The following STK10 variants were observed in gnomAD, a reference collection of about 807,000 sequenced individuals.
STK10 encodes the protein serine/threonine kinase 10.
STK10 carries 78 observed loss-of-function variants against 113.8 expected under a neutral mutation model. That is an observed-to-expected ratio of 0.69 (90% confidence interval 0.57 to 0.83). The LOEUF is 0.83. Among genes scored for constraint, STK10 ranks in the 40% least tolerant of loss-of-function variants. STK10 has a pLI of 0.00. For synonymous variants in STK10, 465 were observed against 494.7 expected (o/e 0.94, Z 0.80); for missense variants, 1,109 against 1,280.1 (o/e 0.87, Z 2.04).
intron 1 of STK10, among the ~76,000 whole-genome samples, chr5:172,168,892 T>A (rs574407592): frequency 1.6e-3 from 248 of 152,022 alleles, no homozygotes; most frequent in African/African-American, 4.8e-3. Context: ...CCAGAAACAC[T>A]CAGGGTGAAC....
intron 1 of STK10, among the ~76,000 whole-genome samples, chr5:172,179,509 T>TA (rs1159319262): frequency 6.6e-6 from 1 of 152,176 alleles, no homozygotes; most frequent in Non-Finnish European, 1.5e-5. Flanking sequence ...TCCATCTGTT[T>TA]GTTTCGATCC....
chr5:172,118,101 T>C (rs188250853), intron 3 of STK10, among the ~76,000 whole-genome samples: 57 of 151,666 alleles, frequency 3.8e-4, no homozygotes, highest in African/African-American at 1.4e-3. Flanking sequence ...CACTGACCCA[T>C]TTTGTCTTCA....
chr5:172,156,402 C>T (rs1770348649), intron 2 of STK10, among the ~76,000 whole-genome samples: 1 of 152,212 alleles, frequency 6.6e-6, no homozygotes, highest in South Asian at 2.1e-4. Flanking sequence ...GAGGCCAGGC[C>T]ATAGCGCTTT....
rs1385436834 is a variant in STK10, at chr5:172,093,987, A to C, written c.1006-27T>G. The C allele has an allele frequency of 1.7e-5, 22 of 1,322,442 alleles. No individual in the cohort carries two copies. The highest frequency in any genetic ancestry group is 2.1e-5 in the Non-Finnish European group (21 of 1,016,982). 81.9% of individuals were successfully genotyped at this position (1,322,442 alleles called of 1,614,324 possible). A position where few individuals can be genotyped will look rare whatever the true frequency, so the allele number is the denominator to read the frequency against. On this transcript the variant is annotated intron_variant, in intron 8 of 18. Transcript: ENST00000176763. This position sits in a 1 kb window ranked among gnomAD's most constrained non-coding sequence, Gnocchi z 4.1. ...TAGAAAAATATATATATATATATTA[A>C]AGGCCATGCTGCTGTATGTTCAAGG... is the stretch of plus-strand genomic sequence containing the variant.
chr5:172,156,303 C>T (rs151108753), intron 2 of STK10, among the ~76,000 whole-genome samples: 1 of 152,334 alleles, frequency 6.6e-6, no homozygotes, highest in African/African-American at 2.4e-5. Flanking sequence ...CTATTATTAG[C>T]CCCACCTTAC....
chr5:172,057,308 C>T, intron 15 of STK10, 41 bp downstream of exon 15: 1 of 1,567,426 alleles, frequency 6.4e-7, no homozygotes, highest in Non-Finnish European at 8.6e-7. Context: ...CCCAGGTCGG[C>T]CCGGCAGCAG....
chr5:172,077,357 C>CA, intron 12 of STK10, among the ~76,000 whole-genome samples: 1 of 152,184 alleles, frequency 6.6e-6, no homozygotes, highest in Non-Finnish European at 1.5e-5. Flanking sequence ...GGCAGGAAAA[C>CA]AGAGTTCTGG....
intron 7 of STK10, among the ~76,000 whole-genome samples, chr5:172,102,372 T>G (rs916174994): frequency 2.0e-5 from 3 of 152,058 alleles, no homozygotes; most frequent in African/African-American, 7.2e-5. Context: ...GGAAAGCCAG[T>G]GGTGGAGCAC....
chr5:172,057,388 G>A lies in STK10; in HGVS notation c.2298C>T (p.Tyr766=). 1.9e-6 allele frequency: 3 copies of A among 1,562,056 alleles called. No individual in the cohort carries two copies. The highest frequency in any genetic ancestry group is 1.4e-5 in the African/African-American group (1 of 73,676). Residue 766 remains tyrosine, a synonymous_variant, in exon 15 of 19, where the codon TAC becomes TAT. Coordinates refer to ENST00000176763, the MANE Select transcript of STK10 (RefSeq NM_005990.4). ...QLVKQQLKDQ[Y]FLQRHELLRK... is the part of the protein sequence containing the mutation. ...GCAGCAGCTCGTGCCGCTGGAGGAA[G>A]TACTGGTCTTTGAGCTGCTGCTTCA...
intron 16 of STK10, 40 bp from the exon 17 acceptor site, chr5:172,054,734 C>T (rs752219163): frequency 1.9e-6 from 3 of 1,603,096 alleles, no homozygotes; most frequent in South Asian, 2.2e-5. Flanking sequence ...GGGACCAGGG[C>T]CTGGCTGGTT....
At chr5:172,181,537 C>G (rs903590543) in intron 1 of STK10, among the ~76,000 whole-genome samples, 7 of 149,946 alleles carry the variant, frequency 4.7e-5, no homozygotes, top group African/African-American at 1.7e-4. Flanking sequence ...GGCTGGAGAA[C>G]AGTGATACAA....
chr5:172,146,388 A>G (rs1242132531), intron 2 of STK10, among the ~76,000 whole-genome samples: 2 of 152,232 alleles, frequency 1.3e-5, no homozygotes, highest in East Asian at 3.8e-4. Context: ...TGCAACTGCT[A>G]AAGGTTCCAC....
rs1467603666 is a variant in STK10 at position 172,109,576 on chromosome 5, G to A, written c.521-1724C>T. ...CCTGCCTTGGCCTCCGAAAGTGCTA[G>A]GATTACAGGCGTGAGGCACCAGGAC... On this transcript the variant is annotated intron_variant, in intron 4 of 18. Transcript: ENST00000176763. Among the ~76,000 whole-genome samples, 3 of 152,044 alleles carry A rather than the reference G, an allele frequency of 2.0e-5. No individual in the cohort carries two copies. The East Asian group carries it at 5.8e-4, about 29-fold the overall frequency.
chr5:172,170,122 C>CTTTTTTTTTT (rs11347358), intron 1 of STK10, among the ~76,000 whole-genome samples: 1 of 119,436 alleles, frequency 8.4e-6, no homozygotes, highest in Non-Finnish European at 1.7e-5. Flanking sequence ...AGTATGTATC[C>CTTTTTTTTTT]TTTTTTTTTT....
At chr5:172,144,404 GA>G (rs780904823) in intron 2 of STK10, among the ~76,000 whole-genome samples, 9 of 152,320 alleles carry the variant, frequency 5.9e-5, no homozygotes, top group Non-Finnish European at 1.3e-4. Context: ...ATACAGCACA[GA>G]AGACAAAAGT....
intron 3 of STK10, among the ~76,000 whole-genome samples, chr5:172,119,033 G>C (rs1461118655): frequency 6.6e-6 from 1 of 152,140 alleles, no homozygotes; most frequent in Non-Finnish European, 1.5e-5. Flanking sequence ...GGATGCGGAA[G>C]GGCCAGAGAG....
At chr5:172,185,393 T>C (rs1581195660) in intron 1 of STK10, among the ~76,000 whole-genome samples, 2 of 152,228 alleles carry the variant, frequency 1.3e-5, no homozygotes, top group South Asian at 4.1e-4. Context: ...CTCAGCCTCC[T>C]GAGACGCTGG....
chr5:172,053,553 T>G (rs944826292), intron 17 of STK10, among the ~76,000 whole-genome samples: 2 of 152,260 alleles, frequency 1.3e-5, no homozygotes, highest in African/African-American at 4.8e-5. Flanking sequence ...CTAACCTCGC[T>G]GTTCTTTCTC....
At chr5:172,177,338 A>G (rs1770777392) in intron 1 of STK10, among the ~76,000 whole-genome samples, 2 of 152,200 alleles carry the variant, frequency 1.3e-5, no homozygotes, top group Admixed American at 6.5e-5. Context: ...ACTATGTGAA[A>G]TAAAATGTTT....
Sources: allele counts gnomAD v4.1 joint callset (sites outside exome capture counted in the v4.1 genomes callset), GRCh38; gene constraint gnomAD v4.1.1; non-coding constraint Gnocchi (gnomAD v3.1); transcripts MANE v1.5; gene names NCBI Gene and HGNC (gene_info 2026-07-23, HGNC 2026-07-21).